NFKBIZ: variants seen among roughly 807,000 people sequenced by gnomAD.
NFKBIZ encodes NF-kappa-B inhibitor zeta.
Under a neutral mutation model 76.8 loss-of-function variants are expected in NFKBIZ, and 19 were observed. The ratio of observed to expected loss-of-function variants is 0.25; its 90% CI spans 0.17 to 0.36. The LOEUF is 0.36. Ranked by LOEUF, NFKBIZ falls within the 10% of genes least tolerant of loss-of-function variation. NFKBIZ has a pLI of 1.00. For missense variants in NFKBIZ, 829 were observed against 910.9 expected (o/e 0.91, Z 1.16); for synonymous variants, 368 against 354.8 (o/e 1.04, Z -0.42).
Position 101,853,875 on chromosome 3 carries a change from T to C in NFKBIZ, c.1337+12T>C, listed in dbSNP as rs1163153726. 3 of 1,606,834 alleles carry C rather than the reference T, an allele frequency of 1.9e-6. No homozygotes were observed. On this transcript the variant is annotated intron_variant, in intron 5 of 11. Coordinates refer to ENST00000326172, the MANE Select transcript of NFKBIZ (RefSeq NM_031419.4). ...GCAGATGGTGACACGTGAGTATTCT[T>C]TTATCTCATGTTCTTAATTAGGTAA...
Position 101,853,451 on chromosome 3 carries a change from G to A in NFKBIZ, c.925G>A (p.Glu309Lys). ...QPHYTHKPTL[E>K]YSPFPIPPQS... ...ACACTACACCCACAAACCAACTCTG[G>A]AATACAGTCCTTTTCCCATACCTCC... Residue 309 changes from glutamate to lysine, a missense_variant, in exon 5 of 12, where the codon GAA (glutamate) becomes AAA (lysine). By Grantham distance (56) the Glu-to-Lys change is moderately conservative. This residue lies in a region of NFKBIZ where 371 missense variants were observed against 332.3 expected (regional missense o/e 1.12). Coordinates refer to ENST00000326172, the MANE Select transcript of NFKBIZ (RefSeq NM_031419.4). 1.2e-6 allele frequency: 2 copies of A among 1,614,138 alleles called. No individual in the cohort carries two copies. The highest frequency in any genetic ancestry group is 2.7e-5 in the African/African-American group (2 of 75,016).
At chr3:101,832,867 A>G (rs956599586) in intron 2 of NFKBIZ, among the ~76,000 whole-genome samples, 22 of 152,250 alleles carry the variant, frequency 1.4e-4, no homozygotes, top group Admixed American at 2.0e-4. Context: ...AGGAACTGCC[A>G]TACTATTCTA....
chr3:101,846,439 T>C (rs1044954890), upstream of NFKBIZ, among the ~76,000 whole-genome samples: 7 of 152,200 alleles, frequency 4.6e-5, no homozygotes, highest in African/African-American at 1.7e-4. Flanking sequence ...CTTCTGGGCA[T>C]TGGGGGTTGT....
intron 8 of NFKBIZ, 62 bp from the exon 9 acceptor site, chr3:101,855,671 A>T: frequency 6.6e-7 from 1 of 1,511,452 alleles, no homozygotes. Context: ...ATTTGTCATT[A>T]TAGAAGGACC....
chr3:101,855,336 T>C lies in NFKBIZ; in HGVS notation c.1591-59T>C, dbSNP rs1257461000. On this transcript the variant is annotated intron_variant, in intron 7 of 11. Coordinates refer to ENST00000326172, the MANE Select transcript of NFKBIZ (RefSeq NM_031419.4). ...GTTAACTTATTCATTTCTTGGGGATTCTAATAGGTATATGCGCAGCTTATG... is the reference window on the plus strand; with the variant it reads ...GTTAACTTATTCATTTCTTGGGGATCCTAATAGGTATATGCGCAGCTTATG... 5.0e-6 allele frequency: 8 copies of C among 1,607,556 alleles called. 1 individual carries two copies. The South Asian group carries it at 6.6e-5, about 13-fold the overall frequency.
At chr3:101,858,202 G>T (rs1452666999) in intron 11 of NFKBIZ, 1 of 985,316 alleles carries the variant, frequency 1.0e-6, no homozygotes, top group Middle Eastern at 5.2e-4. Context: ...AATAAAATAC[G>T]TGGAATGCAG....
intron 8 of NFKBIZ, 60 bp from the exon 9 acceptor site, chr3:101,855,673 A>G (rs377683588): frequency 2.0e-6 from 3 of 1,516,162 alleles, no homozygotes; most frequent in East Asian, 2.3e-5. Context: ...TTGTCATTAT[A>G]GAAGGACCAA....
intron 1 of NFKBIZ, 128 bp downstream of exon 1, chr3:101,850,045 C>T (rs1486462328): frequency 1.1e-6 from 1 of 925,254 alleles, no homozygotes; most frequent in Non-Finnish European, 1.4e-6. Context: ...CCTTAGCCAT[C>T]AATTACCACT....
chr3:101,838,878 A>G (rs1265048777), intron 2 of NFKBIZ, among the ~76,000 whole-genome samples: 1 of 152,162 alleles, frequency 6.6e-6, no homozygotes, highest in African/African-American at 2.4e-5. Flanking sequence ...GCAAGATTTC[A>G]TAACTGCATA....
At chr3:101,843,156 C>T (rs1322697565) in intron 2 of NFKBIZ, among the ~76,000 whole-genome samples, 2 of 151,824 alleles carry the variant, frequency 1.3e-5, no homozygotes, top group African/African-American at 2.4e-5. Flanking sequence ...TGCAGTTGAC[C>T]AGGTGCAGGG....
intron 2 of NFKBIZ, among the ~76,000 whole-genome samples, chr3:101,834,271 C>T (rs1381193973): frequency 6.6e-6 from 1 of 152,112 alleles, no homozygotes; most frequent in East Asian, 1.9e-4. Context: ...CTCTGACCCT[C>T]ATCTCTCTTT....
At position 101,833,515 on chromosome 3, in the gene NFKBIZ, A is replaced by G. The variant is rs117032737; in HGVS notation, c.-12+3827A>G. ...GTTCTGAAGGCCATAAGAACTTTCTATGTTGTATCTTTGCTATGGGAAAAG... is the reference window on the plus strand; with the variant it reads ...GTTCTGAAGGCCATAAGAACTTTCTGTGTTGTATCTTTGCTATGGGAAAAG... On this transcript the variant is annotated intron_variant, in intron 2 of 12. Transcript: ENST00000394054. 3.1e-4 allele frequency among the ~76,000 whole-genome samples: 47 copies of G among 152,306 alleles called. No homozygotes were observed. In the East Asian group the frequency reaches 8.3e-3, roughly 27 times the overall value.
At chr3:101,855,278 A>G in intron 7 of NFKBIZ, 70 bp downstream of exon 7, 1 of 1,602,516 alleles carries the variant, frequency 6.2e-7, no homozygotes, top group South Asian at 1.1e-5. Context: ...TAGAAGTCGG[A>G]TATAGGTTGC....
At chr3:101,857,491 T>C in intron 11 of NFKBIZ, 32 bp downstream of exon 11, 1 of 1,612,060 alleles carries the variant, frequency 6.2e-7, no homozygotes, top group Non-Finnish European at 8.5e-7. Flanking sequence ...GGAAGTATTT[T>C]TTGGCACTGC....
intron 2 of NFKBIZ, among the ~76,000 whole-genome samples, chr3:101,833,415 G>T (rs1942674002): frequency 6.6e-6 from 1 of 151,946 alleles, no homozygotes; most frequent in Non-Finnish European, 1.5e-5. Context: ...ATAAATTTTG[G>T]TTGAACAAAT....
rs755389886 is a variant in NFKBIZ, at chr3:101,857,335, A to G, written c.1979A>G (p.Gln660Arg). 3 of 1,614,194 alleles carry G rather than the reference A, an allele frequency of 1.9e-6. No homozygotes were observed. The highest frequency in any genetic ancestry group is 2.5e-6 in the Non-Finnish European group (3 of 1,180,016). The change falls in exon 11 of 12, where the codon CAG (glutamine) becomes CGG (arginine). Residue 660 changes from glutamine (Q) to arginine (R), a missense_variant. By Grantham distance (43) the Gln-to-Arg change is conservative (BLOSUM62 1). Around this residue, in one of 4 missense-constraint regions of NFKBIZ, gnomAD observed 272 missense variants for 384.2 expected, o/e 0.71. Transcript: ENST00000326172. Reference sequence around the variant, plus strand: ...GCCCTCCATGTTGCTGCCAGCTTGCAGTATCGGTTGACACAATTAGATGCT... The same window carrying G: ...GCCCTCCATGTTGCTGCCAGCTTGCGGTATCGGTTGACACAATTAGATGCT... ...NTALHVAASL[Q>R]YRLTQLDAVR...
upstream of NFKBIZ, among the ~76,000 whole-genome samples, chr3:101,847,963 G>T (rs758309447): frequency 6.0e-4 from 91 of 152,200 alleles, no homozygotes; most frequent in Non-Finnish European, 1.1e-3. Context: ...TGGCCTGACT[G>T]GGGACCCTTT....
At chr3:101,859,251 CAGA>C in intron 11 of NFKBIZ, 64 bp from the exon 12 acceptor site, 11 of 1,273,892 alleles carry the variant, frequency 8.6e-6, no homozygotes, top group Non-Finnish European at 1.3e-5. Flanking sequence ...GAATGAAACT[CAGA>C]AGGAAATACA....
chr3:101,855,984 C>T (rs1037692732), intron 9 of NFKBIZ, 82 bp downstream of exon 9: 1 of 1,273,008 alleles, frequency 7.9e-7, no homozygotes, highest in East Asian at 2.5e-5. Flanking sequence ...AGTACAGATT[C>T]AAACTTCTTT....
Sources: gnomAD v4.1 joint callset for allele counts (sites outside exome capture counted in the v4.1 genomes callset) on GRCh38, gnomAD v4.1.1 for gene constraint, gnomAD v4.1.1 regional missense constraint, MANE v1.5 for transcripts, NCBI Gene and HGNC (gene_info 2026-07-23, HGNC 2026-07-21) for gene names.